DTNA: variants seen among roughly 807,000 people sequenced by gnomAD.
The protein encoded by DTNA is dystrobrevin alpha.
A neutral mutation model predicts 100.7 loss-of-function variants in DTNA; 43 were observed. That is an observed-to-expected ratio of 0.43 (90% CI 0.33 to 0.55). The LOEUF (loss-of-function observed/expected upper bound fraction) is 0.55, where lower values mean the gene tolerates loss of function less well. Among genes scored for constraint, DTNA ranks in the 20% least tolerant of loss-of-function variants. DTNA has a pLI of 0.04. For synonymous variants in DTNA, 349 were observed against 347.9 expected (o/e 1.00, Z -0.04); for missense variants, 798 against 953.9 (o/e 0.84, Z 2.15).
At chr18:34,572,788 A>G (rs1038600125) in intron 1 of DTNA, among the ~76,000 whole-genome samples, 2 of 152,182 alleles carry the variant, frequency 1.3e-5, no homozygotes, top group African/African-American at 4.8e-5. Flanking sequence ...AACAGAACCA[A>G]GTCTTTGAGA....
chr18:34,867,820 C>T (rs2096722896), intron 17 of DTNA: 1 of 985,452 alleles, frequency 1.0e-6, no homozygotes, highest in South Asian at 4.7e-5. Flanking sequence ...CACCTTCCAG[C>T]TCCTCTCCAC....
chr18:34,548,409 A>C (rs2045035405), intron 1 of DTNA, among the ~76,000 whole-genome samples: 1 of 152,042 alleles, frequency 6.6e-6, no homozygotes, highest in African/African-American at 2.4e-5. Context: ...TTTTAGGCTG[A>C]ATTCTTTTCA....
chr18:34,639,244 CTGTGCTT>C (rs765123767), intron 1 of DTNA, among the ~76,000 whole-genome samples: 8 of 152,184 alleles, frequency 5.3e-5, no homozygotes, highest in Non-Finnish European at 1.0e-4. Flanking sequence ...GGCAGCTGTC[CTGTGCTT>C]TGTGGCATGC....
At chr18:34,672,156 G>A (rs1441824094) in intron 1 of DTNA, among the ~76,000 whole-genome samples, 1 of 152,068 alleles carries the variant, frequency 6.6e-6, no homozygotes, top group African/African-American at 2.4e-5. Context: ...GCCTTACTTG[G>A]AATTAATTTC....
chr18:34,856,645 C>A (rs762215731), intron 15 of DTNA, among the ~76,000 whole-genome samples: 1 of 152,162 alleles, frequency 6.6e-6, no homozygotes, highest in African/African-American at 2.4e-5. Context: ...TACTTGTTAT[C>A]GAACTTGGGG....
At chr18:34,686,994 C>T (rs186812815) in intron 1 of DTNA, among the ~76,000 whole-genome samples, 124 of 152,146 alleles carry the variant, frequency 8.2e-4, no homozygotes, top group Admixed American at 1.4e-3. Context: ...GTGATCTCCC[C>T]TTTATCATTT....
chr18:34,555,295 TATCA>T (rs1256062877), intron 1 of DTNA, among the ~76,000 whole-genome samples: 1 of 148,910 alleles, frequency 6.7e-6, no homozygotes. Flanking sequence ...GCTAGCGGTC[TATCA>T]GTTTTGTTGA....
At position 34,890,294 on chromosome 18, in the gene DTNA, T is replaced by A; in HGVS notation, c.*2560T>A. ...TGACTAACCAGCCACCTTTTCTCTC[T>A]CTTAGCTCCACGTCAGCACTGAGAC... On this transcript the variant is annotated 3_prime_UTR_variant, in exon 23 of 23. Coordinates refer to ENST00000444659, the MANE Select transcript of DTNA (RefSeq NM_001386795.1). 1 of 1,535,568 alleles carries A rather than the reference T, an allele frequency of 6.5e-7. No homozygotes were observed. Among genetic ancestry groups the A allele is most frequent in the Non-Finnish European group, 8.7e-7 (1 of 1,146,580 alleles).
intron 1 of DTNA, among the ~76,000 whole-genome samples, chr18:34,627,798 A>G (rs753682177): frequency 3.3e-5 from 5 of 152,196 alleles, no homozygotes; most frequent in African/African-American, 1.2e-4. Context: ...AATGTGTGCT[A>G]AGTCTGGGCA....
intron 1 of DTNA, among the ~76,000 whole-genome samples, chr18:34,649,097 C>G (rs2060162101): frequency 6.6e-6 from 1 of 152,130 alleles, no homozygotes; most frequent in Non-Finnish European, 1.5e-5. Context: ...GAGATAAGAA[C>G]ACTGTGTACA....
intron 1 of DTNA, among the ~76,000 whole-genome samples, chr18:34,750,175 A>G (rs747071516): frequency 6.6e-6 from 1 of 152,244 alleles, no homozygotes; most frequent in Non-Finnish European, 1.5e-5. Flanking sequence ...AGCAAAACAA[A>G]GCAGAGCCAG....
chr18:34,711,760 C>A (rs928845937), intron 1 of DTNA, among the ~76,000 whole-genome samples: 1 of 151,984 alleles, frequency 6.6e-6, no homozygotes, highest in Non-Finnish European at 1.5e-5. Flanking sequence ...TATGTCCAAG[C>A]CATTTTCTAA....
At chr18:34,697,685 G>A (rs1302698031) in intron 1 of DTNA, among the ~76,000 whole-genome samples, 5 of 152,174 alleles carry the variant, frequency 3.3e-5, no homozygotes, top group African/African-American at 1.2e-4. Context: ...GTATGAAATA[G>A]AGCGAGGCTG....
intron 1 of DTNA, chr18:34,755,774 C>A (rs1411580717): frequency 3.7e-6 from 2 of 547,242 alleles, no homozygotes; most frequent in African/African-American, 3.8e-5. Context: ...CCCCCTCCAA[C>A]AACTACAACA....
Position 34,623,433 on chromosome 18 carries a change from A to G in DTNA, c.-2+129919A>G, listed in dbSNP as rs182429971. Among the ~76,000 whole-genome samples, 10 of 152,324 alleles carry G rather than the reference A, an allele frequency of 6.6e-5. No homozygotes were observed. The East Asian group carries it at 1.5e-3, about 24-fold the overall frequency. On this transcript the variant is annotated intron_variant, in intron 1 of 19. Coordinates refer to the DTNA transcript ENST00000283365. Reference sequence around the variant, plus strand: ...CTTTTCTAATAAAATGTATAGTACAAAAATTTTCTTTTCTTGTTTGTACAA... The same window carrying G: ...CTTTTCTAATAAAATGTATAGTACAGAAATTTTCTTTTCTTGTTTGTACAA...
At chr18:34,497,841 T>C (rs997708398) in intron 1 of DTNA, among the ~76,000 whole-genome samples, 2 of 152,224 alleles carry the variant, frequency 1.3e-5, no homozygotes, top group African/African-American at 4.8e-5. Flanking sequence ...ATATTATGTA[T>C]TTTTTAATTC....
intron 1 of DTNA, among the ~76,000 whole-genome samples, chr18:34,502,949 A>G (rs1252399859): frequency 6.6e-6 from 1 of 152,206 alleles, no homozygotes; most frequent in Admixed American, 6.5e-5. Flanking sequence ...ATGAAAAAGT[A>G]TATGCCGTCT....
intron 1 of DTNA, among the ~76,000 whole-genome samples, chr18:34,496,268 T>C (rs1309612136): frequency 6.6e-6 from 1 of 150,898 alleles, no homozygotes; most frequent in Non-Finnish European, 1.5e-5. Flanking sequence ...TACATCTTTA[T>C]TTTGGGATGC....
At chr18:34,663,939 T>A (rs572583529) in intron 1 of DTNA, among the ~76,000 whole-genome samples, 10 of 152,290 alleles carry the variant, frequency 6.6e-5, no homozygotes, top group African/African-American at 2.4e-4. Context: ...ATATATAGAT[T>A]TTTTTAAAAA....
Sources: gnomAD v4.1 joint callset for allele counts (sites outside exome capture counted in the v4.1 genomes callset) on GRCh38, gnomAD v4.1.1 for gene constraint, MANE v1.5 for transcripts, NCBI Gene and HGNC (gene_info 2026-07-23, HGNC 2026-07-21) for gene names.